The following CNTN5 variants were observed in gnomAD, a reference collection of about 807,000 sequenced individuals.
CNTN5 encodes the protein contactin 5.
In CNTN5, 77 loss-of-function variants were observed where a neutral mutation model predicts 129.1. The observed-to-expected ratio is 0.60, with a 90% CI of 0.50 to 0.72. The LOEUF is 0.72. Ranked by LOEUF, CNTN5 falls within the 30% of genes least tolerant of loss-of-function variation. The pLI, the probability that CNTN5 is intolerant of heterozygous loss-of-function variation, is 0.00. For missense variants in CNTN5, 1,478 were observed against 1,328.8 expected (o/e 1.11, Z -1.75); for synonymous variants, 509 against 465.6 (o/e 1.09, Z -1.20).
chr11:99,139,569 A>G (rs555611066), intron 1 of CNTN5, among the ~76,000 whole-genome samples: 2 of 152,342 alleles, frequency 1.3e-5, no homozygotes, highest in South Asian at 4.1e-4. Flanking sequence ...AATAGCACTT[A>G]CAGGGTTAAA....
In CNTN5 at chr11:100,321,291, A is replaced by ATT. The variant is rs35937617; in HGVS notation, c.2730+12837_2730+12838dup. On this transcript the variant is annotated intron_variant, in intron 21 of 24. Coordinates refer to ENST00000524871, the MANE Select transcript of CNTN5 (RefSeq NM_014361.4). ...CTTCTTGCTTAACTTATTCCTAAGT[A>ATT]TTTTTTTTTTTTTTTGGTAGCTATT... 4.4e-3 allele frequency among the ~76,000 whole-genome samples: 595 copies of ATT among 134,582 alleles called. 4 individuals carry two copies. The highest frequency in any genetic ancestry group is 0.012 in the East Asian group (56 of 4,590). The allele number at this position is 134,582 out of a possible 152,430, so 88.3% of individuals were successfully genotyped here.
intron 2 of CNTN5, among the ~76,000 whole-genome samples, chr11:99,460,738 A>G (rs917917153): frequency 4.6e-5 from 7 of 152,048 alleles, no homozygotes; most frequent in African/African-American, 1.4e-4. Flanking sequence ...TGAAACAGTG[A>G]ATCCTGAAAG....
chr11:99,646,423 G>A (rs1357135625), intron 3 of CNTN5, among the ~76,000 whole-genome samples: 3 of 152,014 alleles, frequency 2.0e-5, no homozygotes, highest in Non-Finnish European at 4.4e-5. Context: ...TGTTTTTAAG[G>A]CCATGCTTTT....
intron 9 of CNTN5, among the ~76,000 whole-genome samples, chr11:100,002,606 C>G (rs1268943697): frequency 3.3e-5 from 5 of 152,066 alleles, no homozygotes; most frequent in African/African-American, 1.2e-4. Context: ...GAAATCATAA[C>G]TTAATAGCAC....
At chr11:100,336,648 T>G (rs1952044123) in intron 21 of CNTN5, among the ~76,000 whole-genome samples, 1 of 152,192 alleles carries the variant, frequency 6.6e-6, no homozygotes, top group Admixed American at 6.5e-5. Flanking sequence ...GAAATCTACA[T>G]CTGAGGAAAC....
intron 7 of CNTN5, among the ~76,000 whole-genome samples, chr11:99,931,530 G>A (rs12290915): frequency 0.15 from 23,119 of 152,042 alleles, 1,960 homozygotes; most frequent in African/African-American, 0.21. Flanking sequence ...ATAGTAAAAG[G>A]ATTTGACCCA....
chr11:100,312,768 A>G (rs1199420855), intron 21 of CNTN5, among the ~76,000 whole-genome samples: 1 of 152,096 alleles, frequency 6.6e-6, no homozygotes, highest in African/African-American at 2.4e-5. Flanking sequence ...GCAAGCTACT[A>G]CAAAAGCATT....
intron 3 of CNTN5, among the ~76,000 whole-genome samples, chr11:99,623,995 T>G (rs633968): frequency 0.44 from 67,578 of 151,886 alleles, 15,402 homozygotes; most frequent in Admixed American, 0.58. Context: ...GTTAACTTTG[T>G]TGATCAAAAG....
At chr11:99,510,487 A>G (rs772517787) in intron 2 of CNTN5, among the ~76,000 whole-genome samples, 7 of 152,212 alleles carry the variant, frequency 4.6e-5, no homozygotes, top group Non-Finnish European at 8.8e-5. Context: ...AATGGATGCA[A>G]CATAGCAGTT....
intron 4 of CNTN5, among the ~76,000 whole-genome samples, chr11:99,839,894 A>C (rs7102348): frequency 2.6e-5 from 4 of 152,106 alleles, no homozygotes; most frequent in Admixed American, 1.3e-4. Flanking sequence ...AAAACAAGGT[A>C]TGCCTAACTG....
rs151007811 is a variant in CNTN5, at chr11:99,675,258, C to T, written c.55+118989C>T. Among the ~76,000 whole-genome samples the T allele has an allele frequency of 1.5e-3, 224 of 152,136 alleles. 1 individual carries two copies. Among genetic ancestry groups the T allele is most frequent in the African/African-American group, 5.1e-3 (213 of 41,478 alleles). Reference sequence around the variant, plus strand: ...CCCATAACTCCAAGTTGAAATCTCGCCCATCAGTACTGGGTGAGGGAATGG... The same window carrying T: ...CCCATAACTCCAAGTTGAAATCTCGTCCATCAGTACTGGGTGAGGGAATGG... On this transcript the variant is annotated intron_variant, in intron 3 of 24. Coordinates refer to ENST00000524871, the MANE Select transcript of CNTN5 (RefSeq NM_014361.4).
chr11:99,320,367 G>C (rs1241986421), intron 1 of CNTN5, among the ~76,000 whole-genome samples: 1 of 152,196 alleles, frequency 6.6e-6, no homozygotes, highest in Non-Finnish European at 1.5e-5. Context: ...GCTGTTGGAA[G>C]GGACAATGAA....
intron 19 of CNTN5, among the ~76,000 whole-genome samples, chr11:100,298,233 G>C (rs1004721400): frequency 3.3e-5 from 5 of 151,410 alleles, no homozygotes; most frequent in Non-Finnish European, 7.4e-5. Flanking sequence ...CAATGAGAAA[G>C]TATACAGAGA....
At chr11:99,393,780 T>C (rs763849786) in intron 2 of CNTN5, among the ~76,000 whole-genome samples, 3 of 151,726 alleles carry the variant, frequency 2.0e-5, no homozygotes, top group Non-Finnish European at 4.4e-5. Context: ...TTTGAAATTA[T>C]ACAAGCTTTG....
intron 3 of CNTN5, among the ~76,000 whole-genome samples, chr11:99,704,580 A>G (rs1954671315): frequency 6.6e-6 from 1 of 151,226 alleles, no homozygotes; most frequent in Non-Finnish European, 1.5e-5. Flanking sequence ...TAAGTTTATT[A>G]TAATACAAAA....
chr11:100,095,385 T>G (rs1357418859), intron 13 of CNTN5, among the ~76,000 whole-genome samples: 1 of 150,734 alleles, frequency 6.6e-6, no homozygotes, highest in Middle Eastern at 3.2e-3. Context: ...TTTATAATTG[T>G]TCTTTATTTA....
At chr11:99,642,696 T>C (rs551385411) in intron 3 of CNTN5, among the ~76,000 whole-genome samples, 1 of 152,142 alleles carries the variant, frequency 6.6e-6, no homozygotes, top group Admixed American at 6.6e-5. Flanking sequence ...CCAAAACTTA[T>C]TCCTCCTGTC....
At chr11:99,975,035 A>G (rs1174597500) in intron 8 of CNTN5, among the ~76,000 whole-genome samples, 3 of 152,238 alleles carry the variant, frequency 2.0e-5, no homozygotes, top group South Asian at 2.1e-4. Context: ...CAAATGATTC[A>G]TATGTATAAA....
intron 13 of CNTN5, among the ~76,000 whole-genome samples, chr11:100,187,494 T>C (rs1247912386): frequency 6.6e-6 from 1 of 152,056 alleles, no homozygotes; most frequent in Non-Finnish European, 1.5e-5. Flanking sequence ...AAAGCATTTC[T>C]AAGCAGAAAG....
Sources: allele counts gnomAD v4.1 joint callset (sites outside exome capture counted in the v4.1 genomes callset), GRCh38; gene constraint gnomAD v4.1.1; transcripts MANE v1.5; gene names NCBI Gene and HGNC (gene_info 2026-07-23, HGNC 2026-07-21).